DOCK2: variants seen among roughly 807,000 people sequenced by gnomAD.
DOCK2 encodes dedicator of cytokinesis 2, also known as dedicator of cytokinesis protein 2.
In DOCK2, 87 loss-of-function variants were observed where a neutral mutation model predicts 248.9. The ratio of observed to expected loss-of-function variants is 0.35; its 90% CI spans 0.29 to 0.42. DOCK2 has a LOEUF of 0.42. Ranked by LOEUF, DOCK2 falls within the 10% of genes least tolerant of loss-of-function variation. The probability of loss-of-function intolerance (pLI) is 1.00; values close to 1 mark genes in which losing one functional copy is unlikely to be tolerated. For synonymous variants in DOCK2, 805 were observed against 821.6 expected (o/e 0.98, Z 0.35); for missense variants, 1,747 against 2,300.2 (o/e 0.76, Z 4.92).
intron 27 of DOCK2, among the ~76,000 whole-genome samples, chr5:169,975,652 A>G (rs1221618947): frequency 1.3e-5 from 2 of 152,218 alleles, no homozygotes; most frequent in African/African-American, 4.8e-5. Flanking sequence ...AGAGGCCACT[A>G]TGATCCATCC....
intron 22 of DOCK2, among the ~76,000 whole-genome samples, chr5:169,721,726 G>A (rs1358696470): frequency 1.3e-5 from 2 of 152,224 alleles, no homozygotes; most frequent in Admixed American, 6.5e-5. Context: ...ACACTTGCAA[G>A]GGCTAAGGAT....
intron 8 of DOCK2, 37 bp from the exon 9 acceptor site, chr5:169,689,215 C>A (rs1261428283): frequency 1.3e-6 from 2 of 1,598,136 alleles, no homozygotes; most frequent in African/African-American, 1.3e-5. Flanking sequence ...ATGTCAGGTC[C>A]CTTGGCAGTA....
At chr5:169,667,134 G>A (rs1357868348) in intron 2 of DOCK2, among the ~76,000 whole-genome samples, 1 of 152,178 alleles carries the variant, frequency 6.6e-6, no homozygotes, top group East Asian at 1.9e-4. Context: ...CATGAGCTTT[G>A]TGTAGGGACC....
At chr5:169,757,248 T>A (rs566059194) in intron 23 of DOCK2, among the ~76,000 whole-genome samples, 2 of 152,250 alleles carry the variant, frequency 1.3e-5, no homozygotes, top group African/African-American at 4.8e-5. Flanking sequence ...CTGCTTGATG[T>A]TTCCTGATAA....
chr5:169,697,661 A>T (rs1233752220), intron 10 of DOCK2, among the ~76,000 whole-genome samples: 1 of 152,138 alleles, frequency 6.6e-6, no homozygotes, highest in Non-Finnish European at 1.5e-5. Context: ...ATCTAGATGC[A>T]GTCAGTGGTT....
At chr5:169,678,678 A>G (rs1759480143) in intron 6 of DOCK2, among the ~76,000 whole-genome samples, 2 of 152,174 alleles carry the variant, frequency 1.3e-5, no homozygotes, top group Non-Finnish European at 2.9e-5. Context: ...ATGCAGTGGA[A>G]TTTGAACTGA....
At chr5:170,007,885 G>A (rs530508752) in intron 30 of DOCK2, among the ~76,000 whole-genome samples, 2 of 152,290 alleles carry the variant, frequency 1.3e-5, no homozygotes, top group South Asian at 4.1e-4. Context: ...TGATTCAGTA[G>A]GTCTAGGCAG....
intron 22 of DOCK2, among the ~76,000 whole-genome samples, chr5:169,725,545 A>T (rs1031153425): frequency 3.9e-5 from 6 of 152,066 alleles, no homozygotes; most frequent in African/African-American, 1.4e-4. Context: ...TCTAGGGTAC[A>T]TGTGCACAAA....
chr5:169,915,889 G>A (rs748646835), intron 27 of DOCK2, among the ~76,000 whole-genome samples: 1 of 152,046 alleles, frequency 6.6e-6, no homozygotes, highest in Non-Finnish European at 1.5e-5. Context: ...CTGATTAAAT[G>A]GTATACATTG....
chr5:169,740,547 T>C (rs186311097), intron 22 of DOCK2, among the ~76,000 whole-genome samples: 4 of 152,332 alleles, frequency 2.6e-5, no homozygotes, highest in African/African-American at 4.8e-5. Flanking sequence ...AACAGCTCAA[T>C]AGAAATAATC....
chr5:169,728,680 G>A (rs1470667033), intron 22 of DOCK2, among the ~76,000 whole-genome samples: 1 of 152,162 alleles, frequency 6.6e-6, no homozygotes, highest in African/African-American at 2.4e-5. Context: ...GGCCATCAGA[G>A]CAAGGGGTCA....
chr5:170,071,532 T>C (rs984123595), intron 46 of DOCK2, among the ~76,000 whole-genome samples: 1 of 152,234 alleles, frequency 6.6e-6, no homozygotes, highest in Non-Finnish European at 1.5e-5. Context: ...AGACTTTCTA[T>C]TTTTTGGCAT....
chr5:169,691,866 T>A (rs1760323568), intron 9 of DOCK2, among the ~76,000 whole-genome samples: 1 of 144,404 alleles, frequency 6.9e-6, no homozygotes, highest in Non-Finnish European at 1.6e-5. Flanking sequence ...TTTATTTATT[T>A]TTTTTTTTGA....
At chr5:169,817,557 C>T (rs1338296490) in intron 26 of DOCK2, among the ~76,000 whole-genome samples, 2 of 152,224 alleles carry the variant, frequency 1.3e-5, no homozygotes, top group Non-Finnish European at 2.9e-5. Flanking sequence ...GGTTAACACT[C>T]CTCCCACTGC....
chr5:169,880,300 G>A (rs1264208417), intron 27 of DOCK2, among the ~76,000 whole-genome samples: 2 of 152,250 alleles, frequency 1.3e-5, no homozygotes, highest in Admixed American at 1.3e-4. Context: ...CCCTGCCTAA[G>A]TGCAAGCACC....
intron 30 of DOCK2, 37 bp downstream of exon 30, chr5:169,996,201 C>G: frequency 1.2e-6 from 2 of 1,602,060 alleles, no homozygotes; most frequent in Non-Finnish European, 1.7e-6. Context: ...TTGGAGCTGC[C>G]CAGGGCGTCT....
At chr5:169,881,053 C>G (rs1332391575) in intron 27 of DOCK2, among the ~76,000 whole-genome samples, 1 of 152,142 alleles carries the variant, frequency 6.6e-6, no homozygotes, top group Non-Finnish European at 1.5e-5. Flanking sequence ...TAGGAAAATG[C>G]TCTGTGTGAG....
intron 26 of DOCK2, among the ~76,000 whole-genome samples, chr5:169,827,744 T>A (rs905838006): frequency 6.6e-6 from 1 of 152,078 alleles, no homozygotes; most frequent in African/African-American, 2.4e-5. Flanking sequence ...TCTGGGAGAT[T>A]TAGTGGAGGA....
chr5:169,690,694 A>ATG (rs1760249606), intron 9 of DOCK2, among the ~76,000 whole-genome samples: 1 of 152,222 alleles, frequency 6.6e-6, no homozygotes, highest in South Asian at 2.1e-4. Flanking sequence ...CAGATGTTGC[A>ATG]TGAGAGGGAG....
Sources: allele counts gnomAD v4.1 joint callset (sites outside exome capture counted in the v4.1 genomes callset), GRCh38; gene constraint gnomAD v4.1.1; transcripts MANE v1.5; gene names NCBI Gene and HGNC (gene_info 2026-07-23, HGNC 2026-07-21).